The following MPHOSPH6 variants were observed in gnomAD, a reference collection of about 807,000 sequenced individuals.
MPHOSPH6 encodes the protein M-phase phosphoprotein 6.
Under a neutral mutation model 21.8 loss-of-function variants are expected in MPHOSPH6, and 25 were observed. The ratio of observed to expected loss-of-function variants is 1.15; its 90% CI spans 0.83 to 1.60. The LOEUF (loss-of-function observed/expected upper bound fraction) is 1.60. MPHOSPH6 is among the 40% of genes most tolerant of loss of function. The pLI, the probability that MPHOSPH6 is intolerant of heterozygous loss-of-function variation, is 0.00. For missense variants in MPHOSPH6, 269 were observed against 181.8 expected (o/e 1.48, Z -2.76); for synonymous variants, 84 against 56.5 (o/e 1.49, Z -2.18).
intron 1 of MPHOSPH6, among the ~76,000 whole-genome samples, chr16:82,169,066 T>A (rs143295814): frequency 6.6e-6 from 1 of 152,244 alleles, no homozygotes; most frequent in Non-Finnish European, 1.5e-5. Context: ...ATTATGTGAA[T>A]TGCATAGGTT....
At chr16:82,165,341 G>A (rs1906738515) in intron 1 of MPHOSPH6, among the ~76,000 whole-genome samples, 1 of 151,580 alleles carries the variant, frequency 6.6e-6, no homozygotes, top group Admixed American at 6.6e-5. Flanking sequence ...GGCCAGGCTG[G>A]TCTCAAACTC....
At chr16:82,154,772 G>C (rs1906377278) in intron 2 of MPHOSPH6, among the ~76,000 whole-genome samples, 1 of 152,076 alleles carries the variant, frequency 6.6e-6, no homozygotes, top group Non-Finnish European at 1.5e-5. Flanking sequence ...CACAGAGAAA[G>C]CTTCAGATCC....
chr16:82,161,183 A>G (rs903047172), intron 2 of MPHOSPH6, among the ~76,000 whole-genome samples: 1 of 152,192 alleles, frequency 6.6e-6, no homozygotes, highest in Non-Finnish European at 1.5e-5. Flanking sequence ...TTGTGAAATA[A>G]AAGTGTATAC....
At chr16:82,148,911 G>C (rs1326581323) in intron 4 of MPHOSPH6, 48 bp from the exon 5 acceptor site, 2 of 1,606,246 alleles carry the variant, frequency 1.2e-6, no homozygotes. Context: ...TAAAAAGGTA[G>C]GGATCAAGCC....
At chr16:82,148,991 C>A in intron 4 of MPHOSPH6, 128 bp from the exon 5 acceptor site, 13 of 1,230,662 alleles carry the variant, frequency 1.1e-5, no homozygotes, top group South Asian at 1.5e-5. Flanking sequence ...TTAAAAGAAA[C>A]CATCTGATTT....
chr16:82,158,560 G>GT (rs1380595967), intron 2 of MPHOSPH6, among the ~76,000 whole-genome samples: 1 of 148,384 alleles, frequency 6.7e-6, no homozygotes, highest in Non-Finnish European at 1.5e-5. Flanking sequence ...AACTGCACTT[G>GT]TGTGACTGAA....
intron 3 of MPHOSPH6, among the ~76,000 whole-genome samples, chr16:82,149,707 G>A (rs75687791): frequency 0.14 from 21,989 of 152,134 alleles, 2,254 homozygotes; most frequent in East Asian, 0.34. Context: ...ACACATTCCG[G>A]TGAGTGGGGG....
intron 1 of MPHOSPH6, 143 bp downstream of exon 1, chr16:82,169,982 C>G (rs1207996716): frequency 1.0e-6 from 1 of 959,812 alleles, no homozygotes; most frequent in Non-Finnish European, 1.5e-6. Flanking sequence ...AGAGCAGGCG[C>G]TAAGTGAATG....
intron 1 of MPHOSPH6, chr16:82,165,063 A>G (rs926508300): frequency 2.0e-5 from 3 of 149,454 alleles, no homozygotes; most frequent in Non-Finnish European, 4.4e-5. Flanking sequence ...TTCAGCTTCC[A>G]CTGGTTTCTA....
At chr16:82,166,836 A>G (rs1420995930) in intron 1 of MPHOSPH6, among the ~76,000 whole-genome samples, 1 of 152,108 alleles carries the variant, frequency 6.6e-6, no homozygotes, top group Non-Finnish European at 1.5e-5. Context: ...TTCTTTTGGT[A>G]TACAACAGCC....
At chr16:82,166,622 G>A (rs938786773) in intron 1 of MPHOSPH6, among the ~76,000 whole-genome samples, 8 of 151,988 alleles carry the variant, frequency 5.3e-5, no homozygotes, top group Non-Finnish European at 8.8e-5. Flanking sequence ...GTACTTAGGC[G>A]GCACCCCTGG....
At chr16:82,165,110 A>ATTTCTTTTTTTTTTTTTT (rs1906724147) in intron 1 of MPHOSPH6, among the ~76,000 whole-genome samples, 1 of 79,928 alleles carries the variant, frequency 1.3e-5, no homozygotes, top group Non-Finnish European at 2.3e-5. Flanking sequence ...CAGGTCCGAT[A>ATTTCTTTTTTTTTTTTTT]TTTCTTTTTT....
At chr16:82,164,995 T>C (rs989578247) in intron 1 of MPHOSPH6, 5 of 151,766 alleles carry the variant, frequency 3.3e-5, no homozygotes, top group African/African-American at 1.2e-4. Context: ...CAAGATAAAA[T>C]ATCAACACTG....
intron 2 of MPHOSPH6, among the ~76,000 whole-genome samples, chr16:82,158,268 C>T (rs1231938689): frequency 6.6e-6 from 1 of 151,054 alleles, no homozygotes; most frequent in African/African-American, 2.4e-5. Context: ...GCAGGAGGAT[C>T]ACGAGGTCAG....
At position 82,164,149 on chromosome 16, in the gene MPHOSPH6, C is replaced by G. The variant is rs1567615612; in HGVS notation, c.97G>C (p.Glu33Gln). 1 of 1,612,288 alleles carries G rather than the reference C, an allele frequency of 6.2e-7. No individual in the cohort carries two copies. Among genetic ancestry groups the G allele is most frequent in the Non-Finnish European group, 8.5e-7 (1 of 1,179,948 alleles). ...TCACTAATGATTTTCTTTTCTTCTT[C>G]TTCTAGTTGTTTCTTGGTTTCTGAG... Reference protein sequence around the residue: ...LDSETKKQLEEEEKKIISEEH... With the variant: ...LDSETKKQLEQEEKKIISEEH... Residue 33 changes from glutamate (E) to glutamine (Q), a missense_variant, in exon 2 of 5, where the codon GAA (glutamate) becomes CAA (glutamine). Coordinates refer to ENST00000258169, the MANE Select transcript of MPHOSPH6 (RefSeq NM_005792.2).
At chr16:82,163,733 C>CA (rs1567615442) in intron 2 of MPHOSPH6, 1 of 172,634 alleles carries the variant, frequency 5.8e-6, no homozygotes, top group Non-Finnish European at 1.2e-5. Context: ...GTAACCGAAA[C>CA]AAAACTGGAG....
intron 2 of MPHOSPH6, among the ~76,000 whole-genome samples, chr16:82,152,222 T>C (rs925060361): frequency 1.3e-5 from 2 of 152,178 alleles, no homozygotes; most frequent in African/African-American, 4.8e-5. Context: ...TCAAAAAATT[T>C]CAATAGTTTT....
At chr16:82,168,473 T>TCCG (rs377514524) in intron 1 of MPHOSPH6, among the ~76,000 whole-genome samples, 2 of 47,938 alleles carry the variant, frequency 4.2e-5, no homozygotes, top group African/African-American at 5.6e-4. Context: ...ACTCTCTCTC[T>TCCG]TTTTTTTTTT....
rs3751863 is a variant in MPHOSPH6, at chr16:82,148,681, C to G, written c.*50G>C. On this transcript the variant is annotated 3_prime_UTR_variant, in exon 5 of 5. Transcript: ENST00000258169. ...CACCATTGGGATGAGCTCCAGATGCCCTGCTGACTTCCACCAAGCACCCCT... is the reference window on the plus strand; with the variant it reads ...CACCATTGGGATGAGCTCCAGATGCGCTGCTGACTTCCACCAAGCACCCCT... 0.14 allele frequency: 229,610 copies of G among 1,598,070 alleles called. 21,472 individuals carry two copies. Among genetic ancestry groups the G allele is most frequent in the Admixed American group, 0.44 (25,941 of 58,520 alleles).
Sources: allele counts gnomAD v4.1 joint callset (sites outside exome capture counted in the v4.1 genomes callset), GRCh38; gene constraint gnomAD v4.1.1; transcripts MANE v1.5; gene names NCBI Gene and HGNC (gene_info 2026-07-23, HGNC 2026-07-21).